Variants in PRLR observed in about 807,000 individuals in gnomAD.
PRLR encodes the protein hPRL receptor.
A neutral mutation model predicts 40.2 loss-of-function variants in PRLR; 13 were observed. The ratio of observed to expected loss-of-function variants is 0.32; its 90% CI spans 0.21 to 0.51. The LOEUF (loss-of-function observed/expected upper bound fraction) is 0.51. Ranked by LOEUF, PRLR falls within the 20% of genes least tolerant of loss-of-function variation. The probability of loss-of-function intolerance (pLI) is 0.97; values close to 1 mark genes in which losing one functional copy is unlikely to be tolerated. For synonymous variants in PRLR, 269 were observed against 278.7 expected (o/e 0.97, Z 0.35); for missense variants, 656 against 747.3 (o/e 0.88, Z 1.42).
intron 1 of PRLR, among the ~76,000 whole-genome samples, chr5:35,204,239 G>GA (rs138279788): frequency 0.01 from 1,440 of 143,484 alleles, 23 homozygotes; most frequent in African/African-American, 0.032. Context: ...TAAATAAAAT[G>GA]AAAAAAAAAA....
At chr5:35,076,401 C>T (rs1279904464) in intron 5 of PRLR, among the ~76,000 whole-genome samples, 1 of 152,100 alleles carries the variant, frequency 6.6e-6, no homozygotes. Flanking sequence ...GATGCATGCA[C>T]AAGCATCAGT....
chr5:35,153,018 A>G (rs1774382937), intron 1 of PRLR: 1 of 152,204 alleles, frequency 6.6e-6, no homozygotes, highest in Non-Finnish European at 1.5e-5. Context: ...TTTGACCTTG[A>G]GCAAATAACT....
chr5:35,185,430 TA>T (rs113019724), intron 1 of PRLR, among the ~76,000 whole-genome samples: 107 of 142,694 alleles, frequency 7.5e-4, no homozygotes, highest in South Asian at 1.4e-3. Flanking sequence ...GTAAGTTTCC[TA>T]AAAAAAAAAA....
intron 1 of PRLR, among the ~76,000 whole-genome samples, chr5:35,179,283 C>A (rs1775229471): frequency 6.6e-6 from 1 of 152,166 alleles, no homozygotes; most frequent in African/African-American, 2.4e-5. Context: ...CCACGCGAAG[C>A]CTTGTTTCCT....
chr5:35,078,426 C>T (rs2112430574), intron 5 of PRLR, among the ~76,000 whole-genome samples: 1 of 152,224 alleles, frequency 6.6e-6, no homozygotes. Flanking sequence ...CTATAAACAC[C>T]TCTATGCAAA....
rs925335552 is a variant in PRLR, at chr5:35,060,567, G to C, written c.*4522C>G. The C allele has an allele frequency of 7.9e-5, 12 of 152,294 alleles. No individual in the cohort carries two copies. In the South Asian group the frequency reaches 1.7e-3, roughly 21 times the overall value. 9.4% of individuals were successfully genotyped at this position (152,294 alleles called of 1,614,324 possible). A position where few individuals can be genotyped will look rare whatever the true frequency, so the allele number is the denominator to read the frequency against. On this transcript the variant is annotated 3_prime_UTR_variant, in exon 10 of 10. Coordinates refer to ENST00000618457, the MANE Select transcript of PRLR (RefSeq NM_000949.7). ...TACTTATTTAACAAGTAAGGAACCT[G>C]ATGGCCAGAGTTTAAAAGACTCATC...
At chr5:35,049,140 A>T (rs1174130366) in exon 9 of PRLR, 1 of 697,352 alleles carries the variant, frequency 1.4e-6, no homozygotes, top group Non-Finnish European at 2.6e-6. Context: ...TGATCATATG[A>T]GCTGGCTGGT....
At chr5:35,085,050 A>C (rs771943546) in intron 4 of PRLR, among the ~76,000 whole-genome samples, 1 of 152,176 alleles carries the variant, frequency 6.6e-6, no homozygotes, top group African/African-American at 2.4e-5. Flanking sequence ...TGCAGCAGCT[A>C]TTTCACATAC....
chr5:35,145,791 C>G (rs1774168042), intron 1 of PRLR, among the ~76,000 whole-genome samples: 2 of 150,038 alleles, frequency 1.3e-5, no homozygotes, highest in South Asian at 4.1e-4. Context: ...CACCTTTCTT[C>G]TCTGGTTAGA....
At chr5:35,178,234 C>A (rs1044825259) in intron 1 of PRLR, among the ~76,000 whole-genome samples, 12 of 152,162 alleles carry the variant, frequency 7.9e-5, no homozygotes, top group Non-Finnish European at 1.3e-4. Flanking sequence ...ACTAGGCCTT[C>A]AGGAAAGATG....
chr5:35,108,197 T>C (rs1772402630), intron 2 of PRLR, among the ~76,000 whole-genome samples: 1 of 152,118 alleles, frequency 6.6e-6, no homozygotes. Context: ...AAACTCTCAA[T>C]AAACTAGGTA....
chr5:35,125,287 A>T (rs2111748234), intron 1 of PRLR, among the ~76,000 whole-genome samples: 1 of 152,330 alleles, frequency 6.6e-6, no homozygotes, highest in East Asian at 1.9e-4. Flanking sequence ...GATGGGTTGG[A>T]CATGGGGATG....
intron 1 of PRLR, among the ~76,000 whole-genome samples, chr5:35,144,293 T>C (rs1405956701): frequency 6.6e-6 from 1 of 152,192 alleles, no homozygotes; most frequent in Non-Finnish European, 1.5e-5. Flanking sequence ...TGGGGTATTG[T>C]AGAACATTCT....
chr5:35,201,127 G>A (rs1470381249), intron 1 of PRLR, among the ~76,000 whole-genome samples: 1 of 152,120 alleles, frequency 6.6e-6, no homozygotes, highest in African/African-American at 2.4e-5. Flanking sequence ...TGACAATAAA[G>A]ATAGTACTCA....
In PRLR at chr5:35,176,803, G is replaced by A. The variant is rs561173522; in HGVS notation, c.-106+53465C>T. Reference sequence around the variant, plus strand: ...CTGACCGTCCCCCAGCCCGACACCCGTAAAGGGTCTGTGCTGAGGAGGATT... The same window carrying A: ...CTGACCGTCCCCCAGCCCGACACCCATAAAGGGTCTGTGCTGAGGAGGATT... On this transcript the variant is annotated intron_variant, in intron 1 of 9. Coordinates refer to ENST00000618457, the MANE Select transcript of PRLR (RefSeq NM_000949.7). Among the ~76,000 whole-genome samples, 22 of 152,292 alleles carry A rather than the reference G, an allele frequency of 1.4e-4. No individual in the cohort carries two copies. The East Asian group carries it at 4.1e-3, about 28-fold the overall frequency.
At chr5:35,188,302 T>G (rs765883041) in intron 1 of PRLR, among the ~76,000 whole-genome samples, 22 of 151,092 alleles carry the variant, frequency 1.5e-4, no homozygotes, top group Non-Finnish European at 2.9e-4. Flanking sequence ...ACCTTATTTA[T>G]TTTTTAAAGG....
chr5:35,108,407 T>C (rs1177723953), intron 2 of PRLR, among the ~76,000 whole-genome samples: 1 of 152,162 alleles, frequency 6.6e-6, no homozygotes. Context: ...TAAAGGGTAT[T>C]CAATTAGGAA....
intron 1 of PRLR, among the ~76,000 whole-genome samples, chr5:35,142,223 A>G (rs4640769): frequency 0.026 from 3,947 of 152,310 alleles, 87 homozygotes; most frequent in Middle Eastern, 0.092. Flanking sequence ...GGCTAGGGCT[A>G]AGTGTTTGAT....
intron 2 of PRLR, among the ~76,000 whole-genome samples, chr5:35,098,683 T>C (rs1771681692): frequency 6.6e-6 from 1 of 152,182 alleles, no homozygotes; most frequent in African/African-American, 2.4e-5. Context: ...TATATTAATA[T>C]CTAGAAACTC....
Sources: allele counts gnomAD v4.1 joint callset (sites outside exome capture counted in the v4.1 genomes callset), GRCh38; gene constraint gnomAD v4.1.1; transcripts MANE v1.5; gene names NCBI Gene and HGNC (gene_info 2026-07-23, HGNC 2026-07-21).